CCDC192: variants seen among roughly 807,000 people sequenced by gnomAD.
CCDC192 encodes the protein coiled-coil domain-containing protein 192.
At chr5:127,820,411 G>A (rs995391339) in intron 5 of CCDC192, among the ~76,000 whole-genome samples, 2 of 152,072 alleles carry the variant, frequency 1.3e-5, no homozygotes, top group African/African-American at 4.8e-5. Context: ...GAGAAACCTC[G>A]CCTCTACTAA....
intron 6 of CCDC192, among the ~76,000 whole-genome samples, chr5:127,922,848 G>C (rs550265437): frequency 4.7e-4 from 71 of 152,328 alleles, no homozygotes; most frequent in African/African-American, 1.7e-3. Flanking sequence ...TGAACCAATG[G>C]GATGTGGGGA....
chr5:127,845,312 C>T (rs1750484180), intron 5 of CCDC192, among the ~76,000 whole-genome samples: 2 of 151,942 alleles, frequency 1.3e-5, no homozygotes, highest in Admixed American at 1.3e-4. Flanking sequence ...CATGTGGCCA[C>T]GAATGAGAGC....
chr5:127,850,111 G>A (rs563897458), intron 5 of CCDC192, among the ~76,000 whole-genome samples: 15 of 152,268 alleles, frequency 9.9e-5, no homozygotes, highest in Admixed American at 7.2e-4. Flanking sequence ...CAGTGCTGCC[G>A]CCTGAATCTG....
At chr5:127,923,894 T>C (rs778025284) in intron 6 of CCDC192, among the ~76,000 whole-genome samples, 1 of 152,202 alleles carries the variant, frequency 6.6e-6, no homozygotes, top group African/African-American at 2.4e-5. Context: ...ACCTTGCAGA[T>C]AGAAAGGAGA....
chr5:127,867,201 G>C lies in CCDC192; in HGVS notation c.412-8337G>C, dbSNP rs564270311. On this transcript the variant is annotated intron_variant, in intron 5 of 6. Transcript: ENST00000514853. ...TCAATACCTCAATTTTCCGGTCCTT[G>C]AACACATGCCTGTGCTTTCTGATCC... Among the ~76,000 whole-genome samples the C allele has an allele frequency of 1.1e-4, 16 of 152,292 alleles. No individual in the cohort carries two copies. The South Asian group carries it at 3.1e-3, about 30-fold the overall frequency.
intron 5 of CCDC192, among the ~76,000 whole-genome samples, chr5:127,825,223 A>G (rs978782922): frequency 1.3e-5 from 2 of 152,228 alleles, no homozygotes; most frequent in Admixed American, 6.5e-5. Context: ...ATCATCCACA[A>G]TGGCATAGAG....
chr5:127,903,470 T>C (rs1753108254), intron 6 of CCDC192, among the ~76,000 whole-genome samples: 1 of 152,182 alleles, frequency 6.6e-6, no homozygotes, highest in African/African-American at 2.4e-5. Context: ...CTCAAACTCA[T>C]GACTTCAGGT....
At position 127,720,425 on chromosome 5, in the gene CCDC192, C is replaced by T. The variant is rs529621985; in HGVS notation, c.114+12665C>T. On this transcript the variant is annotated intron_variant, in intron 2 of 6. Transcript: ENST00000514853. ...TCCCAAGGCCTTGGGTAGCTCTGCC[C>T]CTGTGGTTCTGCAGGGGACAGCCAC... is the stretch of plus-strand genomic sequence containing the variant. 7.2e-4 allele frequency among the ~76,000 whole-genome samples: 110 copies of T among 152,322 alleles called. No homozygotes were observed. The South Asian group carries it at 0.022, about 30-fold the overall frequency.
At chr5:127,901,332 C>T (rs1580810168) in intron 6 of CCDC192, among the ~76,000 whole-genome samples, 1 of 152,108 alleles carries the variant, frequency 6.6e-6, no homozygotes, top group East Asian at 1.9e-4. Flanking sequence ...TATTTTGAAT[C>T]AACCTAGGGT....
chr5:127,885,281 C>CT (rs1253310138), intron 6 of CCDC192, among the ~76,000 whole-genome samples: 11 of 152,184 alleles, frequency 7.2e-5, no homozygotes, highest in African/African-American at 2.2e-4. Context: ...GCATGTACTG[C>CT]TTGGGAATGC....
At chr5:127,867,924 T>C (rs1323772487) in intron 5 of CCDC192, among the ~76,000 whole-genome samples, 7 of 151,890 alleles carry the variant, frequency 4.6e-5, no homozygotes. Context: ...CTCCTTAATC[T>C]CAGAAATGGG....
chr5:127,775,589 C>T (rs943669025), intron 3 of CCDC192, among the ~76,000 whole-genome samples: 1 of 152,152 alleles, frequency 6.6e-6, no homozygotes, highest in South Asian at 2.1e-4. Context: ...GTCATCACAC[C>T]TGAATAATAA....
chr5:127,808,530 C>T (rs1757917734), intron 5 of CCDC192, among the ~76,000 whole-genome samples: 1 of 152,130 alleles, frequency 6.6e-6, no homozygotes, highest in African/African-American at 2.4e-5. Context: ...TCTCCCGCTA[C>T]CTTCTACTGC....
intron 5 of CCDC192, among the ~76,000 whole-genome samples, chr5:127,845,942 A>G (rs1002921702): frequency 9.2e-5 from 14 of 152,246 alleles, no homozygotes; most frequent in South Asian, 2.1e-4. Context: ...CTTTCCTGCA[A>G]TGGTCTCCCT....
chr5:127,830,832 C>T (rs558689229), intron 5 of CCDC192, among the ~76,000 whole-genome samples: 82 of 150,286 alleles, frequency 5.5e-4, no homozygotes, highest in African/African-American at 1.8e-3. Flanking sequence ...AACTAAAAAA[C>T]GAATAAAACT....
intron 2 of CCDC192, among the ~76,000 whole-genome samples, chr5:127,711,441 G>A (rs1280185073): frequency 6.6e-6 from 1 of 152,114 alleles, no homozygotes; most frequent in Non-Finnish European, 1.5e-5. Flanking sequence ...TGACCTTAAA[G>A]TAGCTAAAAC....
At chr5:127,881,721 C>T (rs1286980556) in intron 6 of CCDC192, among the ~76,000 whole-genome samples, 11 of 152,332 alleles carry the variant, frequency 7.2e-5, no homozygotes, top group Admixed American at 1.3e-4. Flanking sequence ...AAAACTGGCA[C>T]AGCAGGAAAC....
intron 3 of CCDC192, among the ~76,000 whole-genome samples, chr5:127,777,911 A>G (rs1383967271): frequency 6.8e-6 from 1 of 146,490 alleles, no homozygotes. Flanking sequence ...TTTTTTTTTT[A>G]CAAATTATCC....
At chr5:127,786,722 ATCT>A in intron 3 of CCDC192, 1 of 724,194 alleles carries the variant, frequency 1.4e-6, no homozygotes, top group Non-Finnish European at 2.6e-6. Flanking sequence ...TGTCCATCAA[ATCT>A]TCTCCATGCT....
Sources: gnomAD v4.1 joint callset for allele counts (sites outside exome capture counted in the v4.1 genomes callset) on GRCh38, gnomAD v4.1.1 for gene constraint, MANE v1.5 for transcripts, NCBI Gene and HGNC (gene_info 2026-07-23, HGNC 2026-07-21) for gene names.